HORMAD1: variants seen among roughly 807,000 people sequenced by gnomAD.
HORMAD1 encodes the protein HORMA domain containing 1, also known as HORMA domain-containing protein 1.
Under a neutral mutation model 58.2 loss-of-function variants are expected in HORMAD1, and 33 were observed. The ratio of observed to expected loss-of-function variants is 0.57; its 90% CI spans 0.43 to 0.76. HORMAD1 has a LOEUF of 0.76. Among genes scored for constraint, HORMAD1 ranks in the 30% least tolerant of loss-of-function variants. HORMAD1 has a pLI of 0.00. For missense variants in HORMAD1, 363 were observed against 462.0 expected, an observed-to-expected ratio of 0.79 and a Z score of 1.96; for synonymous variants, 137 against 144.6, an observed-to-expected ratio of 0.95 and a Z score of 0.38.
At position 150,717,266 on chromosome 1, in the gene HORMAD1, G is replaced by A; in HGVS notation, c.50C>T (p.Pro17Leu). 6.4e-7 allele frequency: 1 copy of A among 1,565,018 alleles called. No individual in the cohort carries two copies. Among genetic ancestry groups the A allele is most frequent in the Non-Finnish European group, 8.7e-7 (1 of 1,155,694 alleles). Residue 17 changes from proline to leucine, a missense_variant, in exon 3 of 15, where the codon CCC becomes CTC. Coordinates refer to ENST00000361824, the MANE Select transcript of HORMAD1 (RefSeq NM_032132.5). ...CTGGTGTTCAGTTGATATCTTATTG[G>A]GAAATACCAGTGCACTCTAAAATTC... ...QRTPMSALVFPNKISTEHQSL... is the reference protein window; with the variant it reads ...QRTPMSALVFLNKISTEHQSL...
At chr1:150,705,575 G>A (rs374982948) in intron 10 of HORMAD1, among the ~76,000 whole-genome samples, 20 of 151,968 alleles carry the variant, frequency 1.3e-4, no homozygotes, top group East Asian at 7.7e-4. Context: ...GTTATTGAAG[G>A]ATAAGCTCAG....
Position 150,714,594 on chromosome 1 carries a change from TTTAGGTA to T in HORMAD1, c.242+14_242+20del, listed in dbSNP as rs1215867891. The T allele has an allele frequency of 2.3e-6, 3 of 1,297,224 alleles. No individual in the cohort carries two copies. The allele number at this position is 1,297,224 out of a possible 1,614,324, so 80.4% of individuals were successfully genotyped here. A position where few individuals can be genotyped will look rare whatever the true frequency, so the allele number is the denominator to read the frequency against. On this transcript the variant is annotated intron_variant, in intron 4 of 14. Transcript: ENST00000361824. ...AATGAGAAAAAAATAATTTTCTCTC[TTTAGGTA>T]TTCTTTTACTTGCCATTTCACTAAC... is the stretch of plus-strand genomic sequence containing the variant.
intron 13 of HORMAD1, among the ~76,000 whole-genome samples, chr1:150,703,094 C>T (rs759514263): frequency 2.3e-4 from 35 of 152,232 alleles, no homozygotes; most frequent in Middle Eastern, 3.4e-3. Context: ...TCTATAATGG[C>T]TCTGTATCAT....
intron 3 of HORMAD1, among the ~76,000 whole-genome samples, chr1:150,715,724 T>A (rs889159002): frequency 6.6e-6 from 1 of 151,872 alleles, no homozygotes; most frequent in African/African-American, 2.4e-5. Context: ...CTTCCACGCC[T>A]GGCCCTGGCT....
intron 4 of HORMAD1, 141 bp from the exon 5 acceptor site, chr1:150,714,262 A>C (rs970067975): frequency 2.2e-5 from 12 of 541,082 alleles, no homozygotes; most frequent in Non-Finnish European, 3.6e-5. Flanking sequence ...CTAGCTTAAA[A>C]CAAGACAAAA....
At chr1:150,716,944 G>A (rs756769689) in intron 3 of HORMAD1, among the ~76,000 whole-genome samples, 194 bp downstream of exon 3, 3 of 109,604 alleles carry the variant, frequency 2.7e-5, no homozygotes, top group Non-Finnish European at 3.6e-5. Context: ...GCCCGGGCGA[G>A]ACCCCGTCTC....
At position 150,706,694 on chromosome 1, in the gene HORMAD1, G is replaced by T; in HGVS notation, c.663C>A (p.Ile221=). Residue 221 remains isoleucine, a synonymous_variant, in exon 10 of 15, where the codon ATC becomes ATA. Coordinates refer to ENST00000361824, the MANE Select transcript of HORMAD1 (RefSeq NM_032132.5). ...TCTCAGTGGTCACTTTTACTTTGAA[G>T]ATGTGAAAAGGTGTTGAGACTTCTC... is the stretch of plus-strand genomic sequence containing the variant. ...NVGEVSTPFH[I]FKVKVTTERE... is the part of the protein sequence containing the mutation. 1.2e-6 allele frequency: 2 copies of T among 1,613,582 alleles called. No individual in the cohort carries two copies. Among genetic ancestry groups the T allele is most frequent in the South Asian group, 2.2e-5 (2 of 91,054 alleles).
chr1:150,719,723 G>T (rs1652188975), intron 1 of HORMAD1, among the ~76,000 whole-genome samples, 185 bp from the exon 2 acceptor site: 2 of 152,164 alleles, frequency 1.3e-5, no homozygotes, highest in Admixed American at 6.5e-5. Context: ...GTCCTGATTT[G>T]AAGCCATTTG....
chr1:150,716,985 G>T (rs1370290117), intron 3 of HORMAD1, among the ~76,000 whole-genome samples, 153 bp downstream of exon 3: 2 of 146,874 alleles, frequency 1.4e-5, no homozygotes. Flanking sequence ...TCATTGAAAT[G>T]TACACTTTAA....
intron 1 of HORMAD1, among the ~76,000 whole-genome samples, chr1:150,720,259 A>T (rs1405105492): frequency 6.6e-6 from 1 of 152,126 alleles, no homozygotes; most frequent in Non-Finnish European, 1.5e-5. Context: ...TCTAGTAGAC[A>T]CGGGGTTTCA....
At chr1:150,701,898 A>G (rs1342153524) in intron 13 of HORMAD1, 3 of 152,208 alleles carry the variant, frequency 2.0e-5, no homozygotes, top group Non-Finnish European at 4.4e-5. Flanking sequence ...TGCTAAAATT[A>G]GAACGATATA....
intron 12 of HORMAD1, 114 bp downstream of exon 12, chr1:150,704,004 T>C (rs967281912): frequency 3.0e-6 from 2 of 660,288 alleles, no homozygotes; most frequent in East Asian, 3.0e-5. Flanking sequence ...ATTCTAAATA[T>C]TGAATTTTAT....
intron 5 of HORMAD1, 42 bp downstream of exon 5, chr1:150,714,043 T>TA: frequency 8.0e-7 from 1 of 1,245,246 alleles, no homozygotes; most frequent in Non-Finnish European, 1.2e-6. Context: ...TTGTAGATCA[T>TA]AAACTGTAGA....
chr1:150,706,083 C>T (rs1049145051), intron 10 of HORMAD1, among the ~76,000 whole-genome samples: 5 of 152,186 alleles, frequency 3.3e-5, no homozygotes, highest in Non-Finnish European at 7.3e-5. Context: ...TTGAATGAGA[C>T]ACTTTTCCTG....
rs776175114 is a variant in HORMAD1 at position 150,704,117 on chromosome 1, C to T, written c.948+1G>A. 3.2e-6 allele frequency: 5 copies of T among 1,573,192 alleles called. No individual in the cohort carries two copies. The highest frequency in any genetic ancestry group is 4.3e-6 in the Non-Finnish European group (5 of 1,159,728). On this transcript the variant is annotated splice_donor_variant, in intron 12 of 14. Transcript: ENST00000361824. LOFTEE classifies it high-confidence loss of function. ...GTGAGATGAAACTATCAAGTTTATA[C>T]CTGAGAATGAGAAATAGAAAGATCT...
intron 7 of HORMAD1, 83 bp downstream of exon 7, chr1:150,711,462 C>A: frequency 1.0e-6 from 1 of 958,784 alleles, no homozygotes; most frequent in Admixed American, 1.9e-5. Flanking sequence ...TAATTAAAAG[C>A]ATAAGATATT....
chr1:150,708,712 A>G (rs1235391532), intron 8 of HORMAD1, among the ~76,000 whole-genome samples, 182 bp downstream of exon 8: 2 of 152,212 alleles, frequency 1.3e-5, no homozygotes, highest in Admixed American at 6.5e-5. Context: ...ATTGCTTATT[A>G]TTAGCCACAG....
intron 9 of HORMAD1, among the ~76,000 whole-genome samples, chr1:150,708,025 T>C (rs1018263786): frequency 3.3e-5 from 5 of 152,184 alleles, no homozygotes; most frequent in Non-Finnish European, 7.3e-5. Context: ...TGTTAACTCA[T>C]TGTTAAATTT....
chr1:150,698,760 AATAG>A (rs1651446833), intron 14 of HORMAD1, 26 bp from the exon 15 acceptor site: 1 of 1,276,232 alleles, frequency 7.8e-7, no homozygotes. Flanking sequence ...AACTACTAAG[AATAG>A]ATACTTTCCT....
Sources: allele counts gnomAD v4.1 joint callset (sites outside exome capture counted in the v4.1 genomes callset), GRCh38; gene constraint gnomAD v4.1.1; transcripts MANE v1.5; gene names NCBI Gene and HGNC (gene_info 2026-07-23, HGNC 2026-07-21).